PTPRE: variants seen among roughly 807,000 people sequenced by gnomAD.
The protein encoded by PTPRE is receptor-type tyrosine-protein phosphatase epsilon.
In PTPRE, 51 loss-of-function variants were observed where a neutral mutation model predicts 102.0. That is an observed-to-expected ratio of 0.50 (90% confidence interval 0.40 to 0.63). PTPRE has a LOEUF of 0.63. Ranked by LOEUF, PTPRE falls within the 30% of genes least tolerant of loss-of-function variation. The pLI, the probability that PTPRE is intolerant of heterozygous loss-of-function variation, is 0.00. For synonymous variants in PTPRE, 345 were observed against 348.2 expected (o/e 0.99, Z 0.10); for missense variants, 752 against 915.1 (o/e 0.82, Z 2.30).
chr10:128,076,559 A>ATTATTAC (rs1275696390), intron 17 of PTPRE, 44 bp from the exon 18 acceptor site: 1 of 1,542,480 alleles, frequency 6.5e-7, no homozygotes, highest in Admixed American at 2.3e-5. Flanking sequence ...CGCCAGCAGC[A>ATTATTAC]AATTATTTAT....
At chr10:127,992,641 G>A (rs544934879) in intron 2 of PTPRE, among the ~76,000 whole-genome samples, 95 of 152,254 alleles carry the variant, frequency 6.2e-4, no homozygotes, top group African/African-American at 1.9e-3. Context: ...CGCAGGCCTG[G>A]AGCCTCTCCT....
At chr10:127,950,299 G>A (rs901057814) in intron 1 of PTPRE, among the ~76,000 whole-genome samples, 1 of 152,136 alleles carries the variant, frequency 6.6e-6, no homozygotes, top group African/African-American at 2.4e-5. Flanking sequence ...TGCAGCGCAG[G>A]GAATTTGGGG....
intron 1 of PTPRE, among the ~76,000 whole-genome samples, chr10:127,959,268 A>C (rs1356036085): frequency 5.3e-5 from 8 of 152,210 alleles, no homozygotes; most frequent in Non-Finnish European, 1.0e-4. Context: ...GGAGTGGAGA[A>C]AAACAGTGCA....
intron 1 of PTPRE, among the ~76,000 whole-genome samples, chr10:127,972,432 A>G (rs1850823749): frequency 6.6e-6 from 1 of 152,164 alleles, no homozygotes; most frequent in Non-Finnish European, 1.5e-5. Context: ...TCCTGTATGT[A>G]CAGTGTCTAG....
intron 2 of PTPRE, among the ~76,000 whole-genome samples, chr10:128,015,276 G>C (rs760782973): frequency 2.4e-4 from 36 of 152,296 alleles, no homozygotes; most frequent in African/African-American, 8.7e-4. Flanking sequence ...GGGCCTCGTG[G>C]CTCACGCCTA....
At chr10:128,039,027 G>A (rs1847455674) in intron 2 of PTPRE, among the ~76,000 whole-genome samples, 1 of 152,066 alleles carries the variant, frequency 6.6e-6, no homozygotes, top group African/African-American at 2.4e-5. Context: ...TGGAGAGGAG[G>A]GTTATTAAAT....
chr10:128,005,390 C>T (rs1395954225), intron 2 of PTPRE, among the ~76,000 whole-genome samples: 1 of 152,226 alleles, frequency 6.6e-6, no homozygotes, highest in Non-Finnish European at 1.5e-5. Flanking sequence ...TCAATCCTTG[C>T]TCATCTACCT....
chr10:127,945,530 G>C (rs1848563326), intron 1 of PTPRE, among the ~76,000 whole-genome samples: 2 of 152,242 alleles, frequency 1.3e-5, no homozygotes, highest in African/African-American at 4.8e-5. Flanking sequence ...CTGATGTATG[G>C]AGCGTGTGTC....
At position 127,907,876 on chromosome 10, in the gene PTPRE, G is replaced by T. The variant is rs182269166; in HGVS notation, c.-31+567G>T. 2.0e-3 allele frequency among the ~76,000 whole-genome samples: 304 copies of T among 152,354 alleles called. 1 individual carries two copies. The highest frequency in any genetic ancestry group is 7.1e-3 in the African/African-American group (296 of 41,594). On this transcript the variant is annotated intron_variant, in intron 1 of 20. Coordinates refer to ENST00000254667, the MANE Select transcript of PTPRE (RefSeq NM_006504.6). The surrounding 1 kb of genome is among the most constrained non-coding windows in gnomAD (Gnocchi z 4.8). Reference sequence around the variant, plus strand: ...GATGCAGCAGCCGCCGGGGGTCGGAGATGCGGCAGGGAGACCCTGGCAGGT... The same window carrying T: ...GATGCAGCAGCCGCCGGGGGTCGGATATGCGGCAGGGAGACCCTGGCAGGT...
intron 2 of PTPRE, among the ~76,000 whole-genome samples, chr10:127,990,645 C>T (rs890337614): frequency 1.3e-5 from 2 of 152,088 alleles, no homozygotes; most frequent in Non-Finnish European, 2.9e-5. Flanking sequence ...TCGGCCATGA[C>T]GGGGACCAGC....
At chr10:127,999,090 T>G (rs1853597336) in intron 2 of PTPRE, 1 of 152,164 alleles carries the variant, frequency 6.6e-6, no homozygotes, top group South Asian at 2.1e-4. Context: ...GGGAATTTGG[T>G]GTTCAACGGG....
At chr10:128,036,468 A>G (rs966593081) in intron 2 of PTPRE, among the ~76,000 whole-genome samples, 4 of 152,176 alleles carry the variant, frequency 2.6e-5, no homozygotes, top group South Asian at 2.1e-4. Context: ...CATTTATCTC[A>G]GAACCTCAGG....
chr10:128,041,098 G>A, intron 3 of PTPRE, 108 bp downstream of exon 3: 1 of 904,194 alleles, frequency 1.1e-6, no homozygotes, highest in South Asian at 1.5e-5. Flanking sequence ...TGGTGTGGCT[G>A]AATTTCTTAG....
chr10:127,993,016 C>A (rs983132676), intron 2 of PTPRE, among the ~76,000 whole-genome samples: 4 of 151,990 alleles, frequency 2.6e-5, no homozygotes, highest in African/African-American at 9.7e-5. Flanking sequence ...TCACAGTGTG[C>A]CTGGGATATC....
chr10:127,986,034 C>T (rs2031767), intron 2 of PTPRE, among the ~76,000 whole-genome samples: 1,951 of 151,858 alleles, frequency 0.013, 30 homozygotes, highest in Middle Eastern at 0.017. Flanking sequence ...GAGGTTGCAG[C>T]GAGCCAAGAT....
chr10:128,064,869 G>A (rs1026751415), intron 10 of PTPRE, among the ~76,000 whole-genome samples: 1 of 152,158 alleles, frequency 6.6e-6, no homozygotes, highest in Non-Finnish European at 1.5e-5. Context: ...GCAAAACACA[G>A]CTGCCCTGGC....
At chr10:128,081,647 T>C (rs186574428) in intron 20 of PTPRE, among the ~76,000 whole-genome samples, 118 of 152,360 alleles carry the variant, frequency 7.7e-4, no homozygotes, top group Admixed American at 5.2e-3. Flanking sequence ...CCTGTATATT[T>C]ATTGAGAATT....
At chr10:127,943,047 T>C (rs939075311) in intron 1 of PTPRE, among the ~76,000 whole-genome samples, 2 of 152,178 alleles carry the variant, frequency 1.3e-5, no homozygotes, top group Admixed American at 6.5e-5. Context: ...ACACCAACAC[T>C]GTTTTCATGT....
intron 20 of PTPRE, 66 bp downstream of exon 20, chr10:128,079,761 G>A (rs1851541033): frequency 1.3e-6 from 2 of 1,545,092 alleles, no homozygotes; most frequent in African/African-American, 1.4e-5. Flanking sequence ...TTTGATGTAT[G>A]TTTCATTAAA....
Sources: allele counts gnomAD v4.1 joint callset (sites outside exome capture counted in the v4.1 genomes callset), GRCh38; gene constraint gnomAD v4.1.1; non-coding constraint Gnocchi (gnomAD v3.1); transcripts MANE v1.5; gene names NCBI Gene and HGNC (gene_info 2026-07-23, HGNC 2026-07-21).